RASAL2: variants seen among roughly 807,000 people sequenced by gnomAD.
The protein encoded by RASAL2 is RAS protein activator like 2, also known as ras GTPase-activating protein nGAP.
Under a neutral mutation model 128.9 loss-of-function variants are expected in RASAL2, and 58 were observed. The ratio of observed to expected loss-of-function variants is 0.45; its 90% confidence interval spans 0.36 to 0.56. The LOEUF (loss-of-function observed/expected upper bound fraction) is 0.56, where lower values mean the gene tolerates loss of function less well. Ranked by LOEUF, RASAL2 falls within the 20% of genes least tolerant of loss-of-function variation. The pLI, the probability that RASAL2 is intolerant of heterozygous loss-of-function variation, is 0.00. For synonymous variants in RASAL2, 561 were observed against 580.8 expected, an observed-to-expected ratio of 0.97 and a Z score of 0.49; for missense variants, 1,360 against 1,601.6, an observed-to-expected ratio of 0.85 and a Z score of 2.57.
At position 178,452,355 on chromosome 1, in the gene RASAL2, C is replaced by CA. The variant is rs886851874; in HGVS notation, c.1773-60dup. 1.4e-5 allele frequency: 20 copies of CA among 1,396,488 alleles called. No homozygotes were observed. The African/African-American group carries it at 2.4e-4, about 17-fold the overall frequency. The allele number at this position is 1,396,488 out of a possible 1,614,324, so 86.5% of individuals were successfully genotyped here. A position where few individuals can be genotyped will look rare whatever the true frequency, so the allele number is the denominator to read the frequency against. ...AAAGTATATTGGGTCAGGGTGGAATCACTTGTGCTTGTACTGGTACTTCTG... is the reference window on the plus strand; with the variant it reads ...AAAGTATATTGGGTCAGGGTGGAATCAACTTGTGCTTGTACTGGTACTTCTG... On this transcript the variant is annotated intron_variant, in intron 10 of 17. Transcript: ENST00000367649.
chr1:178,464,836 T>TTTTTTG (rs1647501453), intron 15 of RASAL2, among the ~76,000 whole-genome samples: 1 of 134,644 alleles, frequency 7.4e-6, no homozygotes, highest in Admixed American at 7.5e-5. Flanking sequence ...TAGTTGTTTT[T>TTTTTTG]TTTTTTTTTT....
intron 1 of RASAL2, among the ~76,000 whole-genome samples, chr1:178,154,902 C>T (rs1054228552): frequency 1.3e-5 from 2 of 152,150 alleles, no homozygotes; most frequent in Non-Finnish European, 2.9e-5. Context: ...CAGCTCACTG[C>T]AACCTCTGCC....
At position 178,402,848 on chromosome 1, in the gene RASAL2, G is replaced by A. The variant is rs755703345; in HGVS notation, c.564+12642G>A. Among the ~76,000 whole-genome samples the A allele has an allele frequency of 3.4e-4, 51 of 151,852 alleles. No individual in the cohort carries two copies. In the Middle Eastern group the frequency reaches 9.5e-3, roughly 28 times the overall value. ...GGAAAACTTCAATTAAATTCATCTA[G>A]TCCGTCTCCCCTGACAATGAAAAAA... On this transcript the variant is annotated intron_variant, in intron 4 of 17. Transcript: ENST00000367649.
At chr1:178,216,540 A>T (rs908973656) in intron 1 of RASAL2, among the ~76,000 whole-genome samples, 3 of 152,246 alleles carry the variant, frequency 2.0e-5, no homozygotes, top group Non-Finnish European at 4.4e-5. Context: ...TTATCGTAAA[A>T]ATAACATTCC....
chr1:178,217,221 C>T (rs1052137924), intron 1 of RASAL2, among the ~76,000 whole-genome samples: 6 of 152,094 alleles, frequency 3.9e-5, no homozygotes, highest in Admixed American at 3.9e-4. Context: ...GTGATCTGCC[C>T]ACCTCGGCCT....
At chr1:178,228,444 G>A (rs372294733) in intron 1 of RASAL2, among the ~76,000 whole-genome samples, 3 of 152,244 alleles carry the variant, frequency 2.0e-5, no homozygotes, top group African/African-American at 7.2e-5. Flanking sequence ...TTAGCCGGGT[G>A]TGGTGGCGGG....
At chr1:178,295,420 A>G (rs1019217716) in intron 2 of RASAL2, among the ~76,000 whole-genome samples, 7 of 150,504 alleles carry the variant, frequency 4.7e-5, no homozygotes, top group African/African-American at 1.7e-4. Context: ...CTCTGTGTCC[A>G]TGTGTTCTCA....
chr1:178,265,418 T>C (rs2102149474), intron 1 of RASAL2, among the ~76,000 whole-genome samples: 1 of 152,296 alleles, frequency 6.6e-6, no homozygotes, highest in East Asian at 1.9e-4. Flanking sequence ...TCCTTTTCAA[T>C]GCCCAAATAA....
chr1:178,190,099 C>T (rs1662440677), intron 1 of RASAL2, among the ~76,000 whole-genome samples: 1 of 142,346 alleles, frequency 7.0e-6, no homozygotes, highest in Non-Finnish European at 1.5e-5. Context: ...CCTACCCCAC[C>T]TTCCGCAGAA....
chr1:178,312,268 G>A (rs1436661596), intron 3 of RASAL2, among the ~76,000 whole-genome samples: 1 of 152,088 alleles, frequency 6.6e-6, no homozygotes, highest in Non-Finnish European at 1.5e-5. Context: ...ATTGTCTCTA[G>A]TGACAAGAGA....
In RASAL2 at chr1:178,465,976, G is replaced by A. The variant is rs777910398; in HGVS notation, c.3444G>A (p.Leu1148=). 5.1e-6 allele frequency: 8 copies of A among 1,557,602 alleles called. No individual in the cohort carries two copies. Among genetic ancestry groups the A allele is most frequent in the Middle Eastern group, 3.3e-4 (2 of 6,018 alleles). ...GCCTGAGAGTTTCCAGCCGGCGACTGGAGGAATATGAACGCCGCTTGCTGG... is the reference window on the plus strand; with the variant it reads ...GCCTGAGAGTTTCCAGCCGGCGACTAGAGGAATATGAACGCCGCTTGCTGG... The part of the protein sequence containing the change: ...KERLRVSSRR[L]EEYERRLLVQ... Residue 1148 remains leucine (L), a synonymous_variant, in exon 16 of 18, where the codon CTG becomes CTA. Coordinates refer to ENST00000367649, the MANE Select transcript of RASAL2 (RefSeq NM_170692.4).
At chr1:178,118,153 G>T (rs560017105) in intron 1 of RASAL2, among the ~76,000 whole-genome samples, 14 of 148,918 alleles carry the variant, frequency 9.4e-5, no homozygotes, top group African/African-American at 2.7e-4. Context: ...GTAAGAACGA[G>T]ACTCTGTTTA....
chr1:178,238,664 T>C (rs1664365454), intron 1 of RASAL2, among the ~76,000 whole-genome samples: 1 of 152,078 alleles, frequency 6.6e-6, no homozygotes. Flanking sequence ...TCACTATATA[T>C]ATATGTAAAT....
intron 1 of RASAL2, among the ~76,000 whole-genome samples, chr1:178,188,248 A>G (rs1307463648): frequency 1.3e-5 from 2 of 152,098 alleles, no homozygotes; most frequent in Non-Finnish European, 2.9e-5. Context: ...TGAAAATTCT[A>G]CCAGTCTCAG....
At chr1:178,264,336 C>T (rs535927293) in intron 1 of RASAL2, among the ~76,000 whole-genome samples, 16 of 152,124 alleles carry the variant, frequency 1.1e-4, no homozygotes, top group African/African-American at 1.4e-4. Flanking sequence ...TATTCACGTA[C>T]GCATACATGA....
chr1:178,119,051 A>G (rs973405656), intron 1 of RASAL2, among the ~76,000 whole-genome samples: 35 of 152,116 alleles, frequency 2.3e-4, no homozygotes, highest in Admixed American at 1.1e-3. Context: ...TATTTTTAGT[A>G]GAGACAGGGT....
chr1:178,351,000 A>G (rs1158313952), intron 3 of RASAL2, among the ~76,000 whole-genome samples: 1 of 152,164 alleles, frequency 6.6e-6, no homozygotes, highest in East Asian at 1.9e-4. Context: ...TCATGACAGA[A>G]GGCAAAACGA....
In RASAL2 at chr1:178,329,513, A is replaced by G. The variant is rs952600873; in HGVS notation, c.457+29395A>G. Among the ~76,000 whole-genome samples the G allele has an allele frequency of 4.1e-4, 63 of 152,322 alleles. 3 individuals carry two copies. Among genetic ancestry groups the G allele is most frequent in the Admixed American group, 1.3e-4 (2 of 15,302 alleles). On this transcript the variant is annotated intron_variant, in intron 3 of 17. Coordinates refer to ENST00000367649, the MANE Select transcript of RASAL2 (RefSeq NM_170692.4). Reference sequence around the variant, plus strand: ...CCCTTCTAAAAGTTTTCAGGGATTTAAAGCAGAAACAAAAAATACTCTCTA... The same window carrying G: ...CCCTTCTAAAAGTTTTCAGGGATTTGAAGCAGAAACAAAAAATACTCTCTA...
chr1:178,320,765 C>T (rs569394675), intron 3 of RASAL2, among the ~76,000 whole-genome samples: 6 of 152,234 alleles, frequency 3.9e-5, no homozygotes, highest in East Asian at 1.9e-4. Context: ...GCCTCGCTCA[C>T]GCTGGGAGCT....
Sources: gnomAD v4.1 joint callset for allele counts (sites outside exome capture counted in the v4.1 genomes callset) on GRCh38, gnomAD v4.1.1 for gene constraint, MANE v1.5 for transcripts, NCBI Gene and HGNC (gene_info 2026-07-23, HGNC 2026-07-21) for gene names.